The following INPP5D variants were observed in gnomAD, a reference collection of about 807,000 sequenced individuals.
INPP5D encodes the protein phosphatidylinositol 3,4,5-trisphosphate 5-phosphatase 1.
INPP5D carries 33 observed loss-of-function variants against 122.9 expected under a neutral mutation model. The observed-to-expected ratio is 0.27, with a 90% CI of 0.20 to 0.36. INPP5D has a LOEUF of 0.36. Ranked by LOEUF, INPP5D falls within the 10% of genes least tolerant of loss-of-function variation. The pLI, the probability that INPP5D is intolerant of heterozygous loss-of-function variation, is 1.00. For synonymous variants in INPP5D, 584 were observed against 576.2 expected (o/e 1.01, Z -0.19); for missense variants, 1,053 against 1,412.7 (o/e 0.75, Z 4.08).
intron 19 of INPP5D, 35 bp downstream of exon 19, chr2:233,182,534 C>T (rs779485145): frequency 1.2e-6 from 2 of 1,609,454 alleles, no homozygotes; most frequent in Admixed American, 1.7e-5. Flanking sequence ...CTCTGTTTTC[C>T]TCAATGACAA....
intron 2 of INPP5D, among the ~76,000 whole-genome samples, chr2:233,120,287 C>A (rs1373689493): frequency 6.6e-6 from 1 of 152,036 alleles, no homozygotes; most frequent in Non-Finnish European, 1.5e-5. Context: ...ATTTCGAGAC[C>A]AGCTTGGCCA....
rs58284775 is a variant in INPP5D at position 233,094,512 on chromosome 2, C to CAAAAAAAAAAAAAAAAAAA, written c.198+15126_198+15144dup. On this transcript the variant is annotated intron_variant, in intron 2 of 26. Transcript: ENST00000445964. ...TGGGCAATAGAGCAAGACTCCATCC[C>CAAAAAAAAAAAAAAAAAAA]AAAAAAAAAAAAAAAAAAAAAAAAA... Among the ~76,000 whole-genome samples, 21 of 34,972 alleles carry CAAAAAAAAAAAAAAAAAAA rather than the reference C, an allele frequency of 6.0e-4. 9 individuals are homozygous for CAAAAAAAAAAAAAAAAAAA. The highest frequency in any genetic ancestry group is 2.1e-3 in the East Asian group (2 of 946). The allele number at this position is 34,972 out of a possible 152,430, so 22.9% of individuals were successfully genotyped here. A position where few individuals can be genotyped will look rare whatever the true frequency, so the allele number is the denominator to read the frequency against.
chr2:233,121,599 T>G (rs1019006155), intron 2 of INPP5D, among the ~76,000 whole-genome samples: 1 of 152,002 alleles, frequency 6.6e-6, no homozygotes, highest in African/African-American at 2.4e-5. Context: ...CACTGCAACC[T>G]CTGCCTCCCA....
intron 2 of INPP5D, among the ~76,000 whole-genome samples, chr2:233,114,474 G>T (rs1050181374): frequency 6.6e-6 from 1 of 152,204 alleles, no homozygotes; most frequent in Non-Finnish European, 1.5e-5. Context: ...CTGGACAGGA[G>T]GCTGCTTCCA....
In INPP5D at chr2:233,100,993, TCACCATC is replaced by T. The variant is rs1692295007; in HGVS notation, c.199-21113_199-21107del. Among the ~76,000 whole-genome samples the T allele has an allele frequency of 7.5e-6, 1 of 132,572 alleles. No individual in the cohort carries two copies. The highest frequency in any genetic ancestry group is 3.2e-5 in the African/African-American group (1 of 31,428). The allele number at this position is 132,572 out of a possible 152,430, so 87.0% of individuals were successfully genotyped here. ...CCTCCGTGTGCCCCCAACGAGTCAT[TCACCATC>T]TTGTGCTAACTGCATTTCTTCCTGA... On this transcript the variant is annotated intron_variant, in intron 2 of 26. Transcript: ENST00000445964. The surrounding 1 kb of genome is among the most constrained non-coding windows in gnomAD (Gnocchi z 5.3).
chr2:233,111,958 G>A (rs564021264), intron 2 of INPP5D, among the ~76,000 whole-genome samples: 5 of 151,752 alleles, frequency 3.3e-5, no homozygotes, highest in Admixed American at 6.6e-5. Flanking sequence ...AGGTACTTGG[G>A]GGGGCTGAGG....
chr2:233,130,138 G>A (rs1400200802), intron 4 of INPP5D, among the ~76,000 whole-genome samples: 9 of 152,096 alleles, frequency 5.9e-5, no homozygotes, highest in African/African-American at 1.7e-4. Flanking sequence ...CAGGTGATCC[G>A]CCCACCTGGG....
rs116260188 is a variant in INPP5D at position 233,087,847 on chromosome 2, G to A, written c.198+8449G>A. ...AAATTTGTCCTCCACAGGATCCGCC[G>A]TTATCTATTGACTTGCTTTTCATGC... On this transcript the variant is annotated intron_variant, in intron 2 of 26. Transcript: ENST00000445964. 2.1e-3 allele frequency among the ~76,000 whole-genome samples: 319 copies of A among 152,208 alleles called. 2 individuals carry two copies. The highest frequency in any genetic ancestry group is 5.7e-3 in the African/African-American group (237 of 41,520).
In INPP5D at chr2:233,100,732, G is replaced by A. The variant is rs941127847; in HGVS notation, c.198+21334G>A. On this transcript the variant is annotated intron_variant, in intron 2 of 26. Transcript: ENST00000445964. The surrounding 1 kb of genome is among the most constrained non-coding windows in gnomAD (Gnocchi z 5.3). ...GCAGTGACTTTCAGTTCCTTTGCAG[G>A]TGTGACCTGTCTGCTCCTGTTAGAG... is the stretch of plus-strand genomic sequence containing the variant. 1.3e-5 allele frequency among the ~76,000 whole-genome samples: 2 copies of A among 152,198 alleles called. No homozygotes were observed. The highest frequency in any genetic ancestry group is 2.9e-5 in the Non-Finnish European group (2 of 68,034).
intron 2 of INPP5D, 21 bp from the exon 3 acceptor site, chr2:233,122,086 G>A (rs781761262): frequency 3.7e-6 from 6 of 1,612,872 alleles, no homozygotes; most frequent in African/African-American, 1.3e-5. Context: ...ATGTGCGTTT[G>A]TTTGGATGTT....
At chr2:233,063,291 T>G (rs1431191976) in intron 1 of INPP5D, among the ~76,000 whole-genome samples, 1 of 152,224 alleles carries the variant, frequency 6.6e-6, no homozygotes, top group Non-Finnish European at 1.5e-5. Flanking sequence ...ACCTGCCCCA[T>G]GGCCCCTCAG....
Position 233,204,160 on chromosome 2 carries a change from C to T in INPP5D, c.3010C>T (p.Leu1004=). ...CCTGGGGAAGAACGCAGGGGACACG[C>T]TGCCTCAGGAGGACCTGCCGCTGAC... The part of the protein sequence containing the change: ...SDLGKNAGDT[L]PQEDLPLTKP... Residue 1004 remains leucine, a synonymous_variant, in exon 26 of 27, where the codon CTG becomes TTG. Coordinates refer to ENST00000445964, the MANE Select transcript of INPP5D (RefSeq NM_001017915.3). 6.3e-7 allele frequency: 1 copy of T among 1,588,106 alleles called. No individual in the cohort carries two copies. Among genetic ancestry groups the T allele is most frequent in the Non-Finnish European group, 8.6e-7 (1 of 1,168,030 alleles).
In INPP5D at chr2:233,183,113, C is replaced by G. The variant is rs767622924; in HGVS notation, c.2161+614C>G. On this transcript the variant is annotated intron_variant, in intron 19 of 26. Transcript: ENST00000445964. The surrounding 1 kb of genome is among the most constrained non-coding windows in gnomAD (Gnocchi z 4.6). ...GCAGGTAATTTTTCAAATAATCCAG[C>G]TCAGCCCTGGTTGCCAGGCCACCCT... is the stretch of plus-strand genomic sequence containing the variant. Among the ~76,000 whole-genome samples, 3 of 152,142 alleles carry G rather than the reference C, an allele frequency of 2.0e-5. No individual in the cohort carries two copies. Among genetic ancestry groups the G allele is most frequent in the Non-Finnish European group, 4.4e-5 (3 of 68,028 alleles).
chr2:233,114,759 C>T (rs962360212), intron 2 of INPP5D, among the ~76,000 whole-genome samples: 4 of 152,220 alleles, frequency 2.6e-5, no homozygotes, highest in Non-Finnish European at 5.9e-5. Flanking sequence ...CTCTCCACCA[C>T]AGCCGAGTGG....
chr2:233,159,530 T>G (rs1694144329), intron 10 of INPP5D, among the ~76,000 whole-genome samples: 1 of 121,122 alleles, frequency 8.3e-6, no homozygotes, highest in Non-Finnish European at 1.9e-5. Context: ...AGACCTCATC[T>G]CTACGAAAAA....
chr2:233,110,154 C>T (rs140608114), intron 2 of INPP5D, among the ~76,000 whole-genome samples: 2 of 151,098 alleles, frequency 1.3e-5, no homozygotes, highest in South Asian at 2.1e-4. Flanking sequence ...CAGGTTCAAG[C>T]GATTCTCATG....
intron 2 of INPP5D, among the ~76,000 whole-genome samples, chr2:233,117,808 G>A (rs773085843): frequency 9.9e-5 from 15 of 152,168 alleles, no homozygotes; most frequent in East Asian, 1.9e-4. Context: ...CTTTAGCAAC[G>A]TGCTGGGGGA....
intron 24 of INPP5D, 133 bp downstream of exon 24, chr2:233,195,628 T>C (rs1248197460): frequency 2.7e-5 from 39 of 1,449,604 alleles, no homozygotes; most frequent in Non-Finnish European, 3.6e-5. Context: ...TGGAGGATCA[T>C]TTGAGCCTAG....
intron 9 of INPP5D, among the ~76,000 whole-genome samples, chr2:233,156,001 A>G (rs1008708744): frequency 1.3e-5 from 2 of 152,238 alleles, no homozygotes; most frequent in African/African-American, 4.8e-5. Context: ...CCCAGCTGTG[A>G]TTTATTACAT....
Sources: gnomAD v4.1 joint callset for allele counts (sites outside exome capture counted in the v4.1 genomes callset) on GRCh38, gnomAD v4.1.1 for gene constraint, Gnocchi (gnomAD v3.1) non-coding constraint, MANE v1.5 for transcripts, NCBI Gene and HGNC (gene_info 2026-07-23, HGNC 2026-07-21) for gene names.